PHTF2: variants seen among roughly 807,000 people sequenced by gnomAD.
PHTF2 encodes the protein protein PHTF2.
Under a neutral mutation model 101.2 loss-of-function variants are expected in PHTF2, and 60 were observed. The observed-to-expected ratio is 0.59, with a 90% confidence interval of 0.48 to 0.73. The LOEUF is 0.73. PHTF2 is among the 30% of genes least tolerant of loss of function. PHTF2 has a pLI of 0.00. For missense variants in PHTF2, 747 were observed against 908.7 expected (o/e 0.82, Z 2.29); for synonymous variants, 311 against 307.3 (o/e 1.01, Z -0.13).
chr7:77,863,596 C>G (rs1396550738), intron 3 of PHTF2, among the ~76,000 whole-genome samples: 1 of 151,740 alleles, frequency 6.6e-6, no homozygotes, highest in South Asian at 2.1e-4. Flanking sequence ...CCCTGTCCAC[C>G]TCACCTGGTC....
intron 11 of PHTF2, 177 bp downstream of exon 10, chr7:77,922,955 T>C (rs1803623470): frequency 7.6e-7 from 1 of 1,318,772 alleles, no homozygotes; most frequent in Non-Finnish European, 9.7e-7. Flanking sequence ...GTATTGCACA[T>C]GTATTGATAG....
In PHTF2 at chr7:77,935,343, C is replaced by A. The variant is rs186800940; in HGVS notation, c.1339-2367C>A. Among the ~76,000 whole-genome samples, 54 of 151,404 alleles carry A rather than the reference C, an allele frequency of 3.6e-4. No homozygotes were observed. The East Asian group carries it at 8.7e-3, about 24-fold the overall frequency. On this transcript the variant is annotated intron_variant, in intron 12 of 19. Coordinates refer to ENST00000416283, the Ensembl canonical transcript of PHTF2. ...GTTCACGCCATTCTCTTGCCTCAGC[C>A]TCCCCAGTACCTGGGACTACAGGCA...
chr7:77,825,096 G>GA (rs11458740), intron 1 of PHTF2, among the ~76,000 whole-genome samples: 123 of 152,026 alleles, frequency 8.1e-4, no homozygotes, highest in African/African-American at 2.9e-3. Flanking sequence ...ATGAAGTGGG[G>GA]TCACAGATTT....
chr7:77,927,195 T>TACACACACACACACACAC (rs1434065287), intron 11 of PHTF2, among the ~76,000 whole-genome samples: 1 of 78,510 alleles, frequency 1.3e-5, no homozygotes, highest in African/African-American at 3.7e-5. Context: ...TATATATATA[T>TACACACACACACACACAC]ACATACACAC....
intron 9 of PHTF2, among the ~76,000 whole-genome samples, chr7:77,914,791 A>C (rs1364747096): frequency 1.3e-5 from 2 of 152,214 alleles, no homozygotes; most frequent in Non-Finnish European, 2.9e-5. Context: ...TTCTGGTAGT[A>C]TTAAATCACA....
intron 10 of PHTF2, 21 bp from the exon 10 acceptor site, chr7:77,922,602 C>CT: frequency 6.3e-7 from 1 of 1,588,248 alleles, no homozygotes; most frequent in Non-Finnish European, 8.6e-7. Context: ...CTATAATCCT[C>CT]TTTGTGTACT....
chr7:77,892,372 C>A (rs1412192428), intron 3 of PHTF2, among the ~76,000 whole-genome samples: 1 of 152,174 alleles, frequency 6.6e-6, no homozygotes. Context: ...CTACTTTTAA[C>A]CCATTTTGGT....
At chr7:77,940,201 G>A (rs1360171729) in exon 14 of PHTF2, 1 of 1,613,556 alleles carries the variant, frequency 6.2e-7, no homozygotes, top group African/African-American at 1.3e-5. Flanking sequence ...TAATGAAGAT[G>A]TCATAGTTCT....
At chr7:77,881,462 ACT>A (rs1799407609) in intron 3 of PHTF2, among the ~76,000 whole-genome samples, 1 of 149,596 alleles carries the variant, frequency 6.7e-6, no homozygotes, top group Admixed American at 6.6e-5. Context: ...TACCTTCCCA[ACT>A]CTCCTGATCT....
chr7:77,881,181 A>G (rs1032532409), intron 3 of PHTF2, among the ~76,000 whole-genome samples: 1 of 152,094 alleles, frequency 6.6e-6, no homozygotes, highest in Admixed American at 6.5e-5. Context: ...ACTTCAAAAT[A>G]TTTCAGTATT....
intron 16 of PHTF2, among the ~76,000 whole-genome samples, chr7:77,944,351 G>T (rs1044462736): frequency 2.0e-5 from 3 of 152,160 alleles, no homozygotes; most frequent in Non-Finnish European, 2.9e-5. Context: ...AAAACAGTCT[G>T]CTCACCAGCA....
intron 2 of PHTF2, among the ~76,000 whole-genome samples, chr7:77,848,100 A>G (rs1039379345): frequency 6.6e-6 from 1 of 152,166 alleles, no homozygotes; most frequent in African/African-American, 2.4e-5. Context: ...TTCTTTATCC[A>G]TTCATTCATT....
chr7:77,850,451 C>CATGT (rs1201245879), intron 2 of PHTF2, among the ~76,000 whole-genome samples: 2 of 147,700 alleles, frequency 1.4e-5, no homozygotes, highest in Non-Finnish European at 3.0e-5. Flanking sequence ...AGCAGCCAGG[C>CATGT]AACATAGTGG....
chr7:77,837,580 G>A (rs962121264), intron 1 of PHTF2, among the ~76,000 whole-genome samples: 1 of 151,940 alleles, frequency 6.6e-6, no homozygotes, highest in Non-Finnish European at 1.5e-5. Flanking sequence ...CTGAAGAAAG[G>A]TTTTTTTATT....
intron 3 of PHTF2, among the ~76,000 whole-genome samples, chr7:77,885,172 T>C (rs973957533): frequency 6.6e-6 from 1 of 152,168 alleles, no homozygotes; most frequent in Non-Finnish European, 1.5e-5. Flanking sequence ...TAGCTTACCG[T>C]AGCCTCGAAC....
chr7:77,890,931 CA>C (rs1392113758), intron 3 of PHTF2, among the ~76,000 whole-genome samples: 1 of 101,648 alleles, frequency 9.8e-6, no homozygotes, highest in African/African-American at 4.2e-5. Flanking sequence ...TTTTTTGAGA[CA>C]GCATCTCACT....
intron 1 of PHTF2, among the ~76,000 whole-genome samples, chr7:77,824,414 A>G (rs761711133): frequency 1.1e-4 from 17 of 152,164 alleles, no homozygotes; most frequent in Non-Finnish European, 2.4e-4. Flanking sequence ...CAGAAGTAAA[A>G]GTGCAGCTGT....
chr7:77,895,567 T>G (rs1281212699), intron 5 of PHTF2, among the ~76,000 whole-genome samples: 1 of 152,140 alleles, frequency 6.6e-6, no homozygotes, highest in Non-Finnish European at 1.5e-5. Context: ...TTGACACATT[T>G]GGAATTTAAA....
intron 19 of PHTF2, among the ~76,000 whole-genome samples, chr7:77,954,566 C>A (rs1806816911): frequency 7.1e-6 from 1 of 141,706 alleles, no homozygotes; most frequent in Non-Finnish European, 1.5e-5. Context: ...ATATGCACAA[C>A]TAACTGTTAG....
Sources: gnomAD v4.1 joint callset for allele counts (sites outside exome capture counted in the v4.1 genomes callset) on GRCh38, gnomAD v4.1.1 for gene constraint, MANE v1.5 for transcripts, NCBI Gene and HGNC (gene_info 2026-07-23, HGNC 2026-07-21) for gene names.